The following KTN1 variants were observed in gnomAD, a reference collection of about 807,000 sequenced individuals.
The protein encoded by KTN1 is kinectin.
In KTN1, 130 loss-of-function variants were observed where a neutral mutation model predicts 222.5. The ratio of observed to expected loss-of-function variants is 0.58; its 90% CI spans 0.51 to 0.68. The LOEUF (loss-of-function observed/expected upper bound fraction) is 0.68. Among genes scored for constraint, KTN1 ranks in the 30% least tolerant of loss-of-function variants. KTN1 has a pLI of 0.00. For synonymous variants in KTN1, 512 were observed against 496.3 expected (o/e 1.03, Z -0.42); for missense variants, 1,508 against 1,500.4 (o/e 1.01, Z -0.08).
At chr14:55,598,531 A>G (rs932706228) in intron 1 of KTN1, among the ~76,000 whole-genome samples, 4 of 151,312 alleles carry the variant, frequency 2.6e-5, no homozygotes, top group African/African-American at 7.3e-5. Context: ...ATTCTGGATT[A>G]GTAAATTTCA....
At chr14:55,672,555 A>G in intron 37 of KTN1, 75 bp from the exon 38 acceptor site, 1 of 868,534 alleles carries the variant, frequency 1.2e-6, no homozygotes, top group Middle Eastern at 2.2e-4. Context: ...CTTTTAATTG[A>G]TCAGAATTCT....
intron 1 of KTN1, among the ~76,000 whole-genome samples, chr14:55,600,751 G>A (rs917295653): frequency 2.0e-5 from 3 of 152,100 alleles, no homozygotes; most frequent in Non-Finnish European, 4.4e-5. Context: ...GAACAGTTTT[G>A]ATGACATGTT....
chr14:55,638,775 T>A (rs1376568995), intron 12 of KTN1, among the ~76,000 whole-genome samples: 3 of 151,872 alleles, frequency 2.0e-5, no homozygotes, highest in African/African-American at 7.2e-5. Flanking sequence ...TGTAAGAATC[T>A]TTTAAATAGT....
chr14:55,681,931 A>G (rs1435542204), intron 43 of KTN1: 1 of 152,084 alleles, frequency 6.6e-6, no homozygotes, highest in Non-Finnish European at 1.5e-5. Context: ...TCCCTCCTGT[A>G]TACTCTATTT....
At chr14:55,684,058 T>A (rs2046587202) in intron 43 of KTN1, 41 bp from the exon 44 acceptor site, 1 of 1,575,276 alleles carries the variant, frequency 6.3e-7, no homozygotes, top group Non-Finnish European at 8.7e-7. Flanking sequence ...CTTCTGTTGC[T>A]TTGTTTTAAA....
At position 55,641,824 on chromosome 14, in the gene KTN1, A is replaced by C. The variant is rs908915911; in HGVS notation, c.2172+64A>C. The C allele has an allele frequency of 9.8e-6, 10 of 1,016,020 alleles. No individual in the cohort carries two copies. The African/African-American group carries it at 1.5e-4, about 15-fold the overall frequency. 62.9% of individuals were successfully genotyped at this position (1,016,020 alleles called of 1,614,324 possible). A position where few individuals can be genotyped will look rare whatever the true frequency, so the allele number is the denominator to read the frequency against. On this transcript the variant is annotated intron_variant, in intron 18 of 43. Transcript: ENST00000395314. ...TATATAACAAGATCTGGTTCTTCTT[A>C]TTTAGGTACCAAATTACTAATTGAG...
chr14:55,603,384 AGTCACCAGTAAC>A (rs1368243890), intron 1 of KTN1, among the ~76,000 whole-genome samples: 1 of 152,232 alleles, frequency 6.6e-6, no homozygotes, highest in Non-Finnish European at 1.5e-5. Flanking sequence ...CTTTGGTCAA[AGTCACCAGTAAC>A]GTCTGTGTTG....
rs755564252 is a variant in KTN1, at chr14:55,650,322, T to C, written c.2406-6T>C. ...AATCAAATTATACTGCATTTCTTTATTGAAGGATCCATGAGAAAGATGGAA... is the reference window on the plus strand; with the variant it reads ...AATCAAATTATACTGCATTTCTTTACTGAAGGATCCATGAGAAAGATGGAA... On this transcript the variant is annotated splice_region_variant and splice_polypyrimidine_tract_variant and intron_variant, in intron 22 of 43. Coordinates refer to ENST00000395314, the MANE Select transcript of KTN1 (RefSeq NM_001079521.2). 3.8e-6 allele frequency: 6 copies of C among 1,577,130 alleles called. No homozygotes were observed. In the East Asian group the frequency reaches 1.3e-4, roughly 35 times the overall value.
chr14:55,640,433 A>G lies in KTN1; in HGVS notation c.1974A>G (p.Ala658=). ...KAEVQKLQAL[A]NEQAAAAHEL... Reference sequence around the variant, plus strand: ...AAGTGCAGAAATTACAGGCCCTGGCAAATGAGCAGGTAGATCTTTATTGCT... The same window carrying G: ...AAGTGCAGAAATTACAGGCCCTGGCGAATGAGCAGGTAGATCTTTATTGCT... Residue 658 remains alanine, a synonymous_variant, in exon 15 of 44, where the codon GCA becomes GCG. Transcript: ENST00000395314. 1 of 1,606,064 alleles carries G rather than the reference A, an allele frequency of 6.2e-7. No homozygotes were observed. The highest frequency in any genetic ancestry group is 8.5e-7 in the Non-Finnish European group (1 of 1,174,926).
chr14:55,671,631 A>G lies in KTN1; in HGVS notation c.3414A>G (p.Lys1138=). ...MHTLLQLECE[K]YKSVLAETEG... ...CATTGTTACAGCTAGAGTGTGAAAA[A>G]TACAAATCCGTCCTTGCAGAAACAG... The change falls in exon 36 of 44, where the codon AAA becomes AAG. Residue 1138 remains lysine, a synonymous_variant. Coordinates refer to ENST00000395314, the MANE Select transcript of KTN1 (RefSeq NM_001079521.2). The G allele has an allele frequency of 6.2e-7, 1 of 1,612,730 alleles. No homozygotes were observed. The highest frequency in any genetic ancestry group is 8.5e-7 in the Non-Finnish European group (1 of 1,179,304).
chr14:55,662,064 C>T (rs1223260435), intron 32 of KTN1, among the ~76,000 whole-genome samples: 1 of 144,308 alleles, frequency 6.9e-6, no homozygotes, highest in Non-Finnish European at 1.5e-5. Flanking sequence ...GAACCTCCTC[C>T]TGCCCTTTTT....
chr14:55,629,642 T>C (rs1219139442), intron 6 of KTN1, among the ~76,000 whole-genome samples: 1 of 152,170 alleles, frequency 6.6e-6, no homozygotes, highest in Non-Finnish European at 1.5e-5. Context: ...AAATGTTCTT[T>C]CGTGTAATCA....
rs375115414 is a variant in KTN1, at chr14:55,612,114, C to T, written c.66C>T (p.Phe22=). ...LIPSIVITVI[F]LFFWLFMKET... ...CTTCAATAGTTATTACAGTAATTTT[C>T]CTCTTCTTCTGGCTTTTCATGAAAG... is the stretch of plus-strand genomic sequence containing the variant. Residue 22 remains phenylalanine (F), a synonymous_variant, in exon 2 of 44, where the codon TTC becomes TTT. Coordinates refer to ENST00000395314, the MANE Select transcript of KTN1 (RefSeq NM_001079521.2). 11 of 1,552,836 alleles carry T rather than the reference C, an allele frequency of 7.1e-6. No homozygotes were observed. The highest frequency in any genetic ancestry group is 1.2e-5 in the South Asian group (1 of 80,892).
chr14:55,658,761 G>A, intron 30 of KTN1, 147 bp downstream of exon 30: 2 of 590,200 alleles, frequency 3.4e-6, no homozygotes, highest in Non-Finnish European at 6.0e-6. Flanking sequence ...ATAAAAGAAA[G>A]CAACTTGCTA....
At chr14:55,654,786 C>G (rs572056181) in intron 28 of KTN1, among the ~76,000 whole-genome samples, 8 of 152,106 alleles carry the variant, frequency 5.3e-5, no homozygotes, top group African/African-American at 1.9e-4. Context: ...ATGTATCTAT[C>G]ATTACAGTAT....
chr14:55,620,513 C>T (rs772948438), intron 5 of KTN1, among the ~76,000 whole-genome samples: 9 of 152,230 alleles, frequency 5.9e-5, no homozygotes, highest in Non-Finnish European at 1.2e-4. Flanking sequence ...TCCATACATC[C>T]TCTGAAATCT....
chr14:55,622,312 T>C (rs559524827), intron 5 of KTN1, among the ~76,000 whole-genome samples: 2 of 152,058 alleles, frequency 1.3e-5, no homozygotes, highest in Non-Finnish European at 2.9e-5. Context: ...ACTATTGTTG[T>C]GGGGGGGATG....
chr14:55,596,173 A>AAAAAAAAAAAAAAT (rs1376306292), intron 1 of KTN1, among the ~76,000 whole-genome samples: 1 of 148,856 alleles, frequency 6.7e-6, no homozygotes, highest in African/African-American at 2.5e-5. Context: ...AAAAAAAAAA[A>AAAAAAAAAAAAAAT]GTAAAAATAA....
At position 55,673,146 on chromosome 14, in the gene KTN1, A is replaced by G. The variant is rs200413342; in HGVS notation, c.3688-26A>G. ...AACATGGGCTATCATAAGGAGATCA[A>G]TCTTAAACTCTAAACTTCATTGCAG... is the stretch of plus-strand genomic sequence containing the variant. On this transcript the variant is annotated intron_variant, in intron 39 of 43. Coordinates refer to ENST00000395314, the MANE Select transcript of KTN1 (RefSeq NM_001079521.2). 1.3e-3 allele frequency: 2,141 copies of G among 1,592,134 alleles called. 6 individuals are homozygous for G. Among genetic ancestry groups the G allele is most frequent in the Non-Finnish European group, 1.7e-3 (1,970 of 1,160,642 alleles).
Sources: allele counts gnomAD v4.1 joint callset (sites outside exome capture counted in the v4.1 genomes callset), GRCh38; gene constraint gnomAD v4.1.1; transcripts MANE v1.5; gene names NCBI Gene and HGNC (gene_info 2026-07-23, HGNC 2026-07-21).